Variants in CHL1 observed in about 807,000 individuals in gnomAD.
The protein encoded by CHL1 is neural cell adhesion molecule L1-like protein.
CHL1 carries 96 observed loss-of-function variants against 141.9 expected under a neutral mutation model. The ratio of observed to expected loss-of-function variants is 0.68; its 90% CI spans 0.57 to 0.80. The LOEUF (loss-of-function observed/expected upper bound fraction) is 0.80, where lower values mean the gene tolerates loss of function less well. Ranked by LOEUF, CHL1 falls within the 30% of genes least tolerant of loss-of-function variation. The pLI, the probability that CHL1 is intolerant of heterozygous loss-of-function variation, is 0.00. For missense variants in CHL1, 1,820 were observed against 1,457.2 expected (o/e 1.25, Z -4.05); for synonymous variants, 613 against 502.2 (o/e 1.22, Z -2.95).
intron 10 of CHL1, among the ~76,000 whole-genome samples, chr3:352,969 G>C (rs1703391134): frequency 6.6e-6 from 1 of 152,134 alleles, no homozygotes; most frequent in East Asian, 1.9e-4. Flanking sequence ...ATCCATAGTT[G>C]CTGTGTATTT....
intron 2 of CHL1, among the ~76,000 whole-genome samples, chr3:251,118 G>T (rs1254013274): frequency 6.6e-6 from 1 of 151,868 alleles, no homozygotes; most frequent in Non-Finnish European, 1.5e-5. Flanking sequence ...AAGCTTCTCT[G>T]AGCAACAAAT....
At chr3:197,957 G>A (rs1698526359) in intron 1 of CHL1, 1 of 372,616 alleles carries the variant, frequency 2.7e-6, no homozygotes, top group African/African-American at 2.1e-5. Flanking sequence ...ATTGGAGCCG[G>A]GAGGCTGGGG....
Position 340,832 on chromosome 3 carries a change from G to A in CHL1, c.424G>A (p.Glu142Lys), listed in dbSNP as rs1399985526. 1.9e-6 allele frequency: 3 copies of A among 1,612,186 alleles called. 1 individual carries two copies. In the East Asian group the frequency reaches 6.7e-5, roughly 36 times the overall value. ...CCCAAAAGAAAAAATTGACCCTCTT[G>A]AAGTGGAGGAGGGAGATCCAATTGT... ...KFPKEKIDPL[E>K]VEEGDPIVLP... The change falls in exon 6 of 28, where the codon GAA (glutamate) becomes AAA (lysine). Residue 142 changes from glutamate (E) to lysine (K), a missense_variant. Coordinates refer to ENST00000256509, the MANE Select transcript of CHL1 (RefSeq NM_006614.4).
At position 325,912 on chromosome 3, in the gene CHL1, C is replaced by A. The variant is rs748494017; in HGVS notation, c.92-47C>A. The A allele has an allele frequency of 1.5e-5, 20 of 1,291,098 alleles. No individual in the cohort carries two copies. In the African/African-American group the frequency reaches 3.0e-4, roughly 19 times the overall value. The allele number at this position is 1,291,098 out of a possible 1,614,324, so 80.0% of individuals were successfully genotyped here. ...GTGTTTTCGCTATAGATTAACCTTG[C>A]CTGCTGTTTGAATAGTGTGTTTTTA... On this transcript the variant is annotated intron_variant, in intron 3 of 27. Coordinates refer to ENST00000256509, the MANE Select transcript of CHL1 (RefSeq NM_006614.4).
At chr3:350,089 G>A (rs1408986051) in intron 10 of CHL1, among the ~76,000 whole-genome samples, 1 of 152,120 alleles carries the variant, frequency 6.6e-6, no homozygotes, top group East Asian at 1.9e-4. Flanking sequence ...GATAAATTCA[G>A]TATGTTACTT....
chr3:326,375 T>C (rs544048374), intron 4 of CHL1, among the ~76,000 whole-genome samples: 1 of 152,166 alleles, frequency 6.6e-6, no homozygotes, highest in South Asian at 2.1e-4. Context: ...AACTAGAAGA[T>C]CCTTTATTCT....
intron 26 of CHL1, among the ~76,000 whole-genome samples, chr3:400,685 C>T (rs1235977079): frequency 3.3e-5 from 5 of 149,878 alleles, no homozygotes; most frequent in Admixed American, 6.7e-5. Flanking sequence ...GCCTGAAATC[C>T]TAACTACTCG....
chr3:262,694 G>A (rs528604888), intron 2 of CHL1, among the ~76,000 whole-genome samples: 73 of 152,372 alleles, frequency 4.8e-4, no homozygotes, highest in African/African-American at 1.8e-3. Flanking sequence ...AAGCAGGAAA[G>A]CCTTGCTCAA....
chr3:328,269 A>G lies in CHL1; in HGVS notation c.300A>G (p.Ile100Met), dbSNP rs776228877. ...GTFRIPNEGH[I>M]SHFQGKYRCF... ...TCAGGATCCCAAACGAGGGGCACAT[A>G]TCTCACTTTCAAGGGAAATACCGCT... Residue 100 changes from isoleucine (I) to methionine (M), a missense_variant, in exon 5 of 28, where the codon ATA becomes ATG. Transcript: ENST00000256509. 1.6e-5 allele frequency: 26 copies of G among 1,612,718 alleles called. No homozygotes were observed. Among genetic ancestry groups the G allele is most frequent in the African/African-American group, 2.7e-5 (2 of 74,860 alleles).
chr3:197,953 G>A (rs1325702451), intron 1 of CHL1: 9 of 375,338 alleles, frequency 2.4e-5, no homozygotes, highest in Non-Finnish European at 4.8e-5. Flanking sequence ...AGGGATTGGA[G>A]CCGGGAGGCT....
At chr3:202,589 G>A (rs568064705) in intron 1 of CHL1, among the ~76,000 whole-genome samples, 7 of 152,104 alleles carry the variant, frequency 4.6e-5, no homozygotes, top group South Asian at 2.1e-4. Flanking sequence ...CTTCTAGTGC[G>A]ATTCTAACAC....
At chr3:255,896 G>A (rs946318478) in intron 2 of CHL1, among the ~76,000 whole-genome samples, 10 of 152,170 alleles carry the variant, frequency 6.6e-5, no homozygotes, top group Non-Finnish European at 2.9e-5. Flanking sequence ...GACAACTAGG[G>A]TTGTGAACCA....
intron 1 of CHL1, among the ~76,000 whole-genome samples, chr3:241,151 A>G (rs1333144789): frequency 6.6e-6 from 1 of 152,130 alleles, no homozygotes; most frequent in Non-Finnish European, 1.5e-5. Context: ...CCTTTAGTTA[A>G]TTTTGTCTAG....
At chr3:398,620 T>C (rs1238962889) in intron 25 of CHL1, among the ~76,000 whole-genome samples, 1 of 152,242 alleles carries the variant, frequency 6.6e-6, no homozygotes, top group African/African-American at 2.4e-5. Flanking sequence ...TATCTCCTGC[T>C]AATTAACATA....
chr3:274,439 C>G (rs1242655406), intron 2 of CHL1, among the ~76,000 whole-genome samples: 1 of 152,188 alleles, frequency 6.6e-6, no homozygotes, highest in Non-Finnish European at 1.5e-5. Context: ...ATTAAGCTGA[C>G]TAAAGCTGTC....
intron 1 of CHL1, among the ~76,000 whole-genome samples, chr3:234,652 G>T (rs532117493): frequency 6.6e-6 from 1 of 152,228 alleles, no homozygotes; most frequent in African/African-American, 2.4e-5. Context: ...GAGGTTGAAA[G>T]CCACTTGAGC....
At chr3:350,143 T>C (rs2125200940) in intron 10 of CHL1, among the ~76,000 whole-genome samples, 1 of 152,354 alleles carries the variant, frequency 6.6e-6, no homozygotes, top group Admixed American at 6.5e-5. Context: ...ATTAATTCTC[T>C]CAAAAAGTGC....
chr3:393,232 C>A (rs200417511), intron 23 of CHL1, among the ~76,000 whole-genome samples: 257 of 94,648 alleles, frequency 2.7e-3, no homozygotes, highest in East Asian at 8.0e-3. Context: ...GACTCCGTCT[C>A]AAAAAAAAAA....
chr3:309,423 C>T (rs382679), intron 2 of CHL1: 30,907 of 149,418 alleles, frequency 0.21, 3,730 homozygotes, highest in East Asian at 0.37. Flanking sequence ...CTCTTTTCTT[C>T]CTCTTTCTTT....
Sources: allele counts gnomAD v4.1 joint callset (sites outside exome capture counted in the v4.1 genomes callset), GRCh38; gene constraint gnomAD v4.1.1; transcripts MANE v1.5; gene names NCBI Gene and HGNC (gene_info 2026-07-23, HGNC 2026-07-21).